Variants in MYRFL observed in about 807,000 individuals in gnomAD.
The protein encoded by MYRFL is myelin regulatory factor-like protein.
Under a neutral mutation model 109.4 loss-of-function variants are expected in MYRFL, and 88 were observed. That is an observed-to-expected ratio of 0.80 (90% CI 0.68 to 0.96). The LOEUF is 0.96. MYRFL is among the 40% of genes least tolerant of loss of function. MYRFL has a pLI of 0.00. For missense variants in MYRFL, 957 were observed against 954.9 expected (o/e 1.00, Z -0.03); for synonymous variants, 324 against 320.9 (o/e 1.01, Z -0.10).
rs1033647358 is a variant in MYRFL at position 69,927,720 on chromosome 12, G to A, written c.1802G>A (p.Arg601Lys). 6.5e-7 allele frequency: 1 copy of A among 1,533,224 alleles called. No individual in the cohort carries two copies. The highest frequency in any genetic ancestry group is 8.7e-7 in the Non-Finnish European group (1 of 1,146,346). The allele number at this position is 1,533,224 out of a possible 1,614,324, so 95.0% of individuals were successfully genotyped here. ...AGAGCCGTTAGTGCATCTTCTCCAA[G>A]AAGGGCCGTTCATAAAAAAAACAAC... ...SSRAVSASSP[R>K]RAVHKKNNKV... The change falls in exon 15 of 25, where the codon AGA (arginine) becomes AAA (lysine). Residue 601 changes from arginine to lysine, a missense_variant. Transcript: ENST00000552032.
At chr12:69,910,209 A>G (rs754462996) in intron 12 of MYRFL, 132 bp downstream of exon 12, 20 of 649,338 alleles carry the variant, frequency 3.1e-5, no homozygotes, top group Non-Finnish European at 4.5e-5. Context: ...TGTGAAACTC[A>G]TAGTCACTAG....
chr12:69,952,602 A>T (rs1266826181), intron 20 of MYRFL, among the ~76,000 whole-genome samples, 197 bp from the exon 21 acceptor site: 1 of 152,160 alleles, frequency 6.6e-6, no homozygotes, highest in African/African-American at 2.4e-5. Context: ...AGTTTTTCTA[A>T]TAGGTACTAT....
At chr12:69,938,775 G>A (rs1218833336) in intron 19 of MYRFL, among the ~76,000 whole-genome samples, 1 of 152,152 alleles carries the variant, frequency 6.6e-6, no homozygotes. Flanking sequence ...ATTTCCCTCT[G>A]AGGTACCGGG....
At chr12:69,865,025 A>G (rs1245646376) in intron 2 of MYRFL, among the ~76,000 whole-genome samples, 1 of 152,206 alleles carries the variant, frequency 6.6e-6, no homozygotes, top group Non-Finnish European at 1.5e-5. Context: ...AAAGTGAACA[A>G]AGGTCTTCAT....
chr12:69,939,751 C>T (rs11177977), intron 19 of MYRFL, among the ~76,000 whole-genome samples: 19,374 of 151,114 alleles, frequency 0.13, 1,809 homozygotes, highest in East Asian at 0.47. Flanking sequence ...CTCTGAGCTA[C>T]GGGAGGACAT....
intron 1 of MYRFL, among the ~76,000 whole-genome samples, chr12:69,830,713 A>G (rs763442063): frequency 9.2e-5 from 14 of 152,094 alleles, no homozygotes; most frequent in Non-Finnish European, 1.5e-4. Flanking sequence ...TTCTTCTTTC[A>G]TTCTGGGATC....
chr12:69,914,273 T>C (rs979882836), intron 13 of MYRFL, among the ~76,000 whole-genome samples: 2 of 152,154 alleles, frequency 1.3e-5, no homozygotes, highest in African/African-American at 4.8e-5. Flanking sequence ...GTCCTTTTTT[T>C]GAAGTAAATT....
At chr12:69,860,836 C>A (rs1226852030) in intron 2 of MYRFL, among the ~76,000 whole-genome samples, 1 of 146,226 alleles carries the variant, frequency 6.8e-6, no homozygotes, top group African/African-American at 2.5e-5. Flanking sequence ...GTGTGCTGCC[C>A]CCATTAACTC....
chr12:69,884,916 A>G (rs763774053), intron 5 of MYRFL, among the ~76,000 whole-genome samples: 2 of 152,238 alleles, frequency 1.3e-5, no homozygotes, highest in Non-Finnish European at 1.5e-5. Context: ...CAGAGAGCTT[A>G]AATCATTTTT....
At position 69,910,927 on chromosome 12, in the gene MYRFL, T is replaced by C. The variant is rs1246970757; in HGVS notation, c.1599T>C (p.Asp533=). 25 of 1,531,442 alleles carry C rather than the reference T, an allele frequency of 1.6e-5. No homozygotes were observed. The East Asian group carries it at 6.1e-4, about 38-fold the overall frequency. The allele number at this position is 1,531,442 out of a possible 1,614,324, so 94.9% of individuals were successfully genotyped here. The change falls in exon 13 of 25, where the codon GAT becomes GAC. Residue 533 remains aspartate, a synonymous_variant. Coordinates refer to ENST00000552032, the MANE Select transcript of MYRFL (RefSeq NM_182530.3). ...CCTTGGAGAACTTCCTCATGGTGGA[T>C]AAGGTAATCACTGAAAAGATATCAG... is the stretch of plus-strand genomic sequence containing the variant. ...GETLENFLMV[D]KDQIFMENVG... is the part of the protein sequence containing the mutation.
intron 19 of MYRFL, 101 bp from the exon 20 acceptor site, chr12:69,952,012 G>A (rs2120547752): frequency 1.1e-6 from 1 of 895,014 alleles, no homozygotes; most frequent in Non-Finnish European, 1.7e-6. Context: ...CAGAAAGGGT[G>A]GGGGAACACT....
At position 69,936,330 on chromosome 12, in the gene MYRFL, C is replaced by G. The variant is rs1955464840; in HGVS notation, c.2039C>G (p.Ser680Cys). The change falls in exon 18 of 25, where the codon TCC (serine) becomes TGC (cysteine). Residue 680 changes from serine to cysteine, a missense_variant. Transcript: ENST00000552032. ...CCAGCTCTGCTGCCCACAGCCTCCT[C>G]CTCAGGTAAAGGCTTCACATTCCTC... Reference protein sequence around the residue: ...QEPALLPTASSSAPNTSLVTT... With the variant: ...QEPALLPTASCSAPNTSLVTT... The G allele has an allele frequency of 6.5e-7, 1 of 1,536,248 alleles. No individual in the cohort carries two copies. Among genetic ancestry groups the G allele is most frequent in the East Asian group, 2.4e-5 (1 of 40,886 alleles).
At chr12:69,911,822 G>A (rs1954581542) in intron 13 of MYRFL, among the ~76,000 whole-genome samples, 1 of 152,180 alleles carries the variant, frequency 6.6e-6, no homozygotes, top group African/African-American at 2.4e-5. Context: ...CTTGAGTGGA[G>A]ACTAATTTAT....
chr12:69,917,586 C>A (rs1954779778), intron 13 of MYRFL, among the ~76,000 whole-genome samples: 1 of 151,962 alleles, frequency 6.6e-6, no homozygotes. Flanking sequence ...CTGCCTTAGG[C>A]CTCTGCATAT....
chr12:69,853,334 C>T (rs964534078), intron 1 of MYRFL, among the ~76,000 whole-genome samples: 8 of 145,756 alleles, frequency 5.5e-5, no homozygotes, highest in Non-Finnish European at 9.1e-5. Flanking sequence ...GGCTGCTGGG[C>T]GGAGGGGCTC....
chr12:69,932,748 G>C, intron 16 of MYRFL, 150 bp downstream of exon 16: 1 of 601,090 alleles, frequency 1.7e-6, no homozygotes, highest in Non-Finnish European at 2.9e-6. Context: ...ATAGAAATGA[G>C]GGAACCTTTT....
At chr12:69,866,378 C>A (rs967744877) in intron 2 of MYRFL, among the ~76,000 whole-genome samples, 9 of 151,960 alleles carry the variant, frequency 5.9e-5, no homozygotes, top group Admixed American at 5.2e-4. Context: ...AGTCCATGAC[C>A]GCAGGGACAC....
chr12:69,929,590 T>C (rs2120458448), intron 15 of MYRFL, among the ~76,000 whole-genome samples: 1 of 152,320 alleles, frequency 6.6e-6, no homozygotes, highest in East Asian at 1.9e-4. Context: ...TAGTGGAAGA[T>C]GAAGCTGAAA....
chr12:69,934,348 T>C (rs1255179105), intron 16 of MYRFL, among the ~76,000 whole-genome samples: 1 of 152,186 alleles, frequency 6.6e-6, no homozygotes, highest in African/African-American at 2.4e-5. Flanking sequence ...CCAAGGGGAA[T>C]GGGGCAGTGC....
Sources: allele counts gnomAD v4.1 joint callset (sites outside exome capture counted in the v4.1 genomes callset), GRCh38; gene constraint gnomAD v4.1.1; transcripts MANE v1.5; gene names NCBI Gene and HGNC (gene_info 2026-07-23, HGNC 2026-07-21).